The following LRRC56 variants were observed in gnomAD, a reference collection of about 807,000 sequenced individuals.
LRRC56 encodes leucine-rich repeat-containing protein 56.
In LRRC56, 41 loss-of-function variants were observed where a neutral mutation model predicts 47.8. That is an observed-to-expected ratio of 0.86 (90% CI 0.67 to 1.11). The LOEUF is 1.11. Among genes scored for constraint, LRRC56 ranks in the 50% most tolerant of loss-of-function variants. The pLI, the probability that LRRC56 is intolerant of heterozygous loss-of-function variation, is 0.00. For missense variants in LRRC56, 759 were observed against 704.2 expected (o/e 1.08, Z -0.88); for synonymous variants, 387 against 311.2 (o/e 1.24, Z -2.56).
At chr11:534,907 T>G (rs1851366510), upstream of LRRC56, among the ~76,000 whole-genome samples, 1 of 152,140 alleles carries the variant, frequency 6.6e-6, no homozygotes, top group Non-Finnish European at 1.5e-5. Context: ...GGGGGCATCT[T>G]TCAGCCACAG....
At chr11:522,168 C>T in the LRRC56 span, among the ~76,000 whole-genome samples, 1 of 152,248 alleles carries the variant, frequency 6.6e-6, no homozygotes, top group East Asian at 1.9e-4. Context: ...GCAGTCTCAA[C>T]CGCCTGGGTT....
chr11:517,541 A>T, the LRRC56 span, among the ~76,000 whole-genome samples: 1 of 148,098 alleles, frequency 6.8e-6, no homozygotes, highest in Non-Finnish European at 1.5e-5. Context: ...CCCGTCTGGG[A>T]AGTGGGCGCC....
At chr11:522,788 G>A in the LRRC56 span, among the ~76,000 whole-genome samples, 3 of 152,032 alleles carry the variant, frequency 2.0e-5, no homozygotes, top group South Asian at 2.1e-4. Flanking sequence ...GTTCCAAAGC[G>A]CAAAGGTTGG....
chr11:535,999 C>G (rs1490461221), upstream of LRRC56, among the ~76,000 whole-genome samples: 1 of 152,176 alleles, frequency 6.6e-6, no homozygotes, highest in Non-Finnish European at 1.5e-5. Flanking sequence ...TCCGCCGGGA[C>G]CAAGGCGGGA....
chr11:543,261 C>CTGGA (rs1316762071), intron 5 of LRRC56, among the ~76,000 whole-genome samples: 5 of 151,554 alleles, frequency 3.3e-5, no homozygotes, highest in African/African-American at 1.2e-4. Context: ...GTTGCCCAGG[C>CTGGA]TGGAGTGCAG....
At position 538,758 on chromosome 11, in the gene LRRC56, A is replaced by G. The variant is rs905064379; in HGVS notation, c.-261A>G. ...GGATTCCTTCGACAAATATTTGAGC[A>G]TCCCCTCCTGCGACTGTGGACAGCA... On this transcript the variant is annotated 5_prime_UTR_variant, in exon 2 of 14. Transcript: ENST00000270115. 10 of 152,316 alleles carry G rather than the reference A, an allele frequency of 6.6e-5. No homozygotes were observed. The highest frequency in any genetic ancestry group is 5.2e-4 in the Admixed American group (8 of 15,288). 9.4% of individuals were successfully genotyped at this position (152,316 alleles called of 1,614,324 possible). A position where few individuals can be genotyped will look rare whatever the true frequency, so the allele number is the denominator to read the frequency against.
the LRRC56 span, among the ~76,000 whole-genome samples, chr11:527,475 T>A: frequency 6.6e-6 from 1 of 152,112 alleles, no homozygotes; most frequent in African/African-American, 2.4e-5. Flanking sequence ...CTTCTGAGTT[T>A]GACTGCCTCA....
chr11:541,432 G>A lies in LRRC56; in HGVS notation c.178-105G>A, dbSNP rs1311256372. ...AACATGGCCCAGGCAGGGAAACGTC[G>A]GTGCCTGCTCCAGCGGGAGCCCCAG... On this transcript the variant is annotated intron_variant, in intron 4 of 13. Coordinates refer to ENST00000270115, the MANE Select transcript of LRRC56 (RefSeq NM_198075.4). This position sits in a 1 kb window ranked among gnomAD's most constrained non-coding sequence, Gnocchi z 4.1. 4.1e-5 allele frequency: 24 copies of A among 586,664 alleles called. No homozygotes were observed. The highest frequency in any genetic ancestry group is 6.0e-5 in the Non-Finnish European group (21 of 350,382). The allele number at this position is 586,664 out of a possible 1,614,324, so 36.3% of individuals were successfully genotyped here. A position where few individuals can be genotyped will look rare whatever the true frequency, so the allele number is the denominator to read the frequency against.
At chr11:532,912 G>A (rs1428127506), upstream of LRRC56, among the ~76,000 whole-genome samples, 2 of 152,182 alleles carry the variant, frequency 1.3e-5, no homozygotes, top group African/African-American at 4.8e-5. Flanking sequence ...GCTGGACTCT[G>A]GCCATCTCGA....
chr11:509,376 TCTC>T, the LRRC56 span, among the ~76,000 whole-genome samples: 1 of 152,350 alleles, frequency 6.6e-6, no homozygotes, highest in African/African-American at 2.4e-5. Context: ...TCGTGGCAAT[TCTC>T]ATAAGAGTGA....
intron 5 of LRRC56, 141 bp from the exon 6 acceptor site, chr11:544,579 T>G: frequency 1.2e-6 from 1 of 848,350 alleles, no homozygotes; most frequent in South Asian, 1.5e-5. Flanking sequence ...ACGTAACCCC[T>G]CCTGTGGTGT....
the LRRC56 span, chr11:528,872 C>CCGGTG: frequency 1.3e-5 from 2 of 152,570 alleles, no homozygotes; most frequent in Non-Finnish European, 1.5e-5. Flanking sequence ...CATGACGTCA[C>CCGGTG]CGGTGCCAAG....
chr11:551,403 G>A, intron 9 of LRRC56, 101 bp downstream of exon 9: 1 of 891,886 alleles, frequency 1.1e-6, no homozygotes, highest in South Asian at 1.7e-5. Flanking sequence ...CACATCTCAT[G>A]CGCTTCTCCA....
chr11:522,226 G>A, the LRRC56 span, among the ~76,000 whole-genome samples: 16 of 151,940 alleles, frequency 1.1e-4, no homozygotes, highest in African/African-American at 2.2e-4. Flanking sequence ...CTACAGGCAC[G>A]CACCACAATG....
upstream of LRRC56, among the ~76,000 whole-genome samples, chr11:536,653 C>T (rs1297183145): frequency 2.0e-5 from 3 of 152,232 alleles, no homozygotes; most frequent in East Asian, 5.8e-4. Context: ...CGCCTGTAGT[C>T]CCAGCTACTC....
chr11:535,546 G>C (rs1346571114), upstream of LRRC56: 1 of 148,552 alleles, frequency 6.7e-6, no homozygotes, highest in Admixed American at 6.7e-5. Flanking sequence ...TGCGGGCGCA[G>C]GGCACGGGCG....
chr11:534,666 G>A (rs1393739196), upstream of LRRC56: 4 of 403,074 alleles, frequency 9.9e-6, no homozygotes, highest in East Asian at 9.1e-5. Flanking sequence ...AGAAGCTGCT[G>A]GGTCGGCAGA....
chr11:533,644 G>C (rs1201757177), upstream of LRRC56: 1 of 1,613,424 alleles, frequency 6.2e-7, no homozygotes, highest in Non-Finnish European at 8.5e-7. Flanking sequence ...CTGGCTACGG[G>C]GGCTGCAGGC....
At chr11:510,850 G>A in the LRRC56 span, among the ~76,000 whole-genome samples, 4 of 151,710 alleles carry the variant, frequency 2.6e-5, no homozygotes, top group South Asian at 2.1e-4. Flanking sequence ...TGGAGGTTGC[G>A]GTGAGCAGAG....
Sources: gnomAD v4.1 joint callset for allele counts (sites outside exome capture counted in the v4.1 genomes callset) on GRCh38, gnomAD v4.1.1 for gene constraint, Gnocchi (gnomAD v3.1) non-coding constraint, MANE v1.5 for transcripts, NCBI Gene and HGNC (gene_info 2026-07-23, HGNC 2026-07-21) for gene names.